CSMD1: variants seen among roughly 807,000 people sequenced by gnomAD.
CSMD1 encodes CUB and Sushi multiple domains 1.
A neutral mutation model predicts 417.5 loss-of-function variants in CSMD1; 213 were observed. The observed-to-expected ratio is 0.51, with a 90% CI of 0.46 to 0.57. The LOEUF (loss-of-function observed/expected upper bound fraction) is 0.57, where lower values mean the gene tolerates loss of function less well. CSMD1 is among the 20% of genes least tolerant of loss of function. The pLI is 0.00. For missense variants in CSMD1, 6,923 were observed against 4,529.7 expected (o/e 1.53, Z -15.17); for synonymous variants, 2,862 against 1,736.8 (o/e 1.65, Z -16.11).
chr8:3,143,191 G>A (rs1233154871), intron 40 of CSMD1, among the ~76,000 whole-genome samples: 1 of 152,120 alleles, frequency 6.6e-6, no homozygotes, highest in East Asian at 1.9e-4. Context: ...TATTTTGTCT[G>A]TTTGCCTTGT....
At chr8:4,304,699 G>GC (rs1277204068) in intron 3 of CSMD1, among the ~76,000 whole-genome samples, 1 of 152,094 alleles carries the variant, frequency 6.6e-6, no homozygotes, top group Non-Finnish European at 1.5e-5. Flanking sequence ...TGAAGATGAT[G>GC]CCCCTCCCTA....
At chr8:4,244,644 G>A (rs984879141) in intron 3 of CSMD1, among the ~76,000 whole-genome samples, 3 of 151,834 alleles carry the variant, frequency 2.0e-5, no homozygotes, top group African/African-American at 7.3e-5. Context: ...CTTCAAAACT[G>A]ATCCAAGTTA....
chr8:4,344,068 C>G (rs941159145), intron 3 of CSMD1, among the ~76,000 whole-genome samples: 1 of 152,148 alleles, frequency 6.6e-6, no homozygotes, highest in Non-Finnish European at 1.5e-5. Flanking sequence ...TGCGCACACA[C>G]ATACTCTGGC....
intron 3 of CSMD1, among the ~76,000 whole-genome samples, chr8:4,108,853 T>C (rs2161930): frequency 1 from 152,239 of 152,342 alleles, 76,068 homozygotes; most frequent in Non-Finnish European, 1. Flanking sequence ...ATGCACAACA[T>C]CAGCCTATCT....
chr8:3,818,431 A>T (rs1013308064), intron 5 of CSMD1, among the ~76,000 whole-genome samples: 2 of 152,138 alleles, frequency 1.3e-5, no homozygotes, highest in African/African-American at 4.8e-5. Flanking sequence ...ATTATTAACT[A>T]ATTAACTCCT....
At chr8:4,249,873 C>T (rs886532525) in intron 3 of CSMD1, among the ~76,000 whole-genome samples, 2 of 152,090 alleles carry the variant, frequency 1.3e-5, no homozygotes, top group African/African-American at 2.4e-5. Context: ...CTTGAGTTGG[C>T]AACTAAATCC....
chr8:3,391,797 G>C (rs894140877), intron 17 of CSMD1, among the ~76,000 whole-genome samples: 3 of 152,186 alleles, frequency 2.0e-5, no homozygotes, highest in Non-Finnish European at 4.4e-5. Context: ...TTTGTCTGTA[G>C]AGATCATTGG....
At chr8:4,751,853 T>C (rs1437847897) in intron 1 of CSMD1, among the ~76,000 whole-genome samples, 2 of 152,192 alleles carry the variant, frequency 1.3e-5, no homozygotes, top group African/African-American at 4.8e-5. Context: ...CCGAAAATAG[T>C]GCATTGGTGT....
At chr8:3,816,873 C>T (rs78845395) in intron 5 of CSMD1, among the ~76,000 whole-genome samples, 176 of 152,114 alleles carry the variant, frequency 1.2e-3, no homozygotes, top group African/African-American at 4.0e-3. Context: ...GGTAAGGGGG[C>T]ACTATATATT....
intron 4 of CSMD1, among the ~76,000 whole-genome samples, chr8:4,003,312 G>C (rs1288072728): frequency 6.6e-6 from 1 of 152,094 alleles, no homozygotes. Flanking sequence ...AGAATGGTGT[G>C]AACCTGGGAG....
intron 5 of CSMD1, among the ~76,000 whole-genome samples, chr8:3,994,195 T>G (rs1227449017): frequency 1.3e-5 from 2 of 152,106 alleles, no homozygotes; most frequent in African/African-American, 2.4e-5. Context: ...TTTCCTTACC[T>G]TCTCTATCCT....
rs545270651 is a variant in CSMD1 at position 4,353,931 on chromosome 8, G to C, written c.415+66022C>G. On this transcript the variant is annotated intron_variant, in intron 3 of 69. Coordinates refer to ENST00000635120, the MANE Select transcript of CSMD1 (RefSeq NM_033225.6). Reference sequence around the variant, plus strand: ...CTGTTTTTACACAATGTTCATTTGAGGTATATTAGGGAACTTCATCAGCCC... The same window carrying C: ...CTGTTTTTACACAATGTTCATTTGACGTATATTAGGGAACTTCATCAGCCC... Among the ~76,000 whole-genome samples, 56 of 152,214 alleles carry C rather than the reference G, an allele frequency of 3.7e-4. 1 individual carries two copies. Among genetic ancestry groups the C allele is most frequent in the African/African-American group, 1.3e-3 (54 of 41,534 alleles).
intron 2 of CSMD1, among the ~76,000 whole-genome samples, chr8:4,529,873 G>GT (rs767812787): frequency 0.19 from 26,325 of 135,892 alleles, 2,454 homozygotes; most frequent in South Asian, 0.25. Flanking sequence ...TGCTGCCATT[G>GT]TTTTTTTTTT....
At chr8:4,432,887 A>G (rs1325674616) in intron 2 of CSMD1, among the ~76,000 whole-genome samples, 1 of 152,232 alleles carries the variant, frequency 6.6e-6, no homozygotes, top group African/African-American at 2.4e-5. Context: ...GTGGCTGCCC[A>G]TCAAGGGGTG....
intron 8 of CSMD1, among the ~76,000 whole-genome samples, chr8:3,611,998 G>C (rs943134671): frequency 1.3e-5 from 2 of 152,110 alleles, no homozygotes; most frequent in Non-Finnish European, 2.9e-5. Context: ...TATTTGAAAA[G>C]ATTTTTAAAA....
At chr8:4,633,699 G>C (rs1302714771) in intron 2 of CSMD1, among the ~76,000 whole-genome samples, 1 of 152,124 alleles carries the variant, frequency 6.6e-6, no homozygotes, top group Admixed American at 6.5e-5. Flanking sequence ...TGGACTTACA[G>C]ATGCCTGCCA....
chr8:3,668,052 A>T (rs1399027861), intron 7 of CSMD1, among the ~76,000 whole-genome samples: 2 of 152,176 alleles, frequency 1.3e-5, no homozygotes, highest in African/African-American at 4.8e-5. Flanking sequence ...CCCAAGGATG[A>T]GCCTTGCTCA....
chr8:4,656,054 G>C (rs571812357), intron 1 of CSMD1, among the ~76,000 whole-genome samples: 3 of 152,162 alleles, frequency 2.0e-5, no homozygotes, highest in East Asian at 3.9e-4. Flanking sequence ...TTATGGAAGA[G>C]AAGAAAATGT....
intron 7 of CSMD1, among the ~76,000 whole-genome samples, chr8:3,629,112 G>C (rs1479990881): frequency 6.6e-6 from 1 of 152,102 alleles, no homozygotes; most frequent in Admixed American, 6.5e-5. Context: ...GTGTGCAGAG[G>C]AGACACCTCA....
Sources: allele counts gnomAD v4.1 joint callset (sites outside exome capture counted in the v4.1 genomes callset), GRCh38; gene constraint gnomAD v4.1.1; transcripts MANE v1.5; gene names NCBI Gene and HGNC (gene_info 2026-07-23, HGNC 2026-07-21).